The following CDHR2 variants were observed in gnomAD, a reference collection of about 807,000 sequenced individuals.
CDHR2 encodes cadherin-related family member 2.
A neutral mutation model predicts 138.6 loss-of-function variants in CDHR2; 104 were observed. The ratio of observed to expected loss-of-function variants is 0.75; its 90% CI spans 0.64 to 0.88. CDHR2 has a LOEUF of 0.88. Ranked by LOEUF, CDHR2 falls within the 40% of genes least tolerant of loss-of-function variation. CDHR2 has a pLI of 0.00. For synonymous variants in CDHR2, 755 were observed against 742.8 expected (o/e 1.02, Z -0.27); for missense variants, 1,624 against 1,727.6 (o/e 0.94, Z 1.06).
At position 176,577,506 on chromosome 5, in the gene CDHR2, A is replaced by G. The variant is rs750266165; in HGVS notation, c.1302A>G (p.Arg434=). Reference sequence around the variant, plus strand: ...CAGCCTCCGTTCAGGTGCTGGTGAGAGTATCCGCGCTGGTGGACTACGAGA... The same window carrying G: ...CAGCCTCCGTTCAGGTGCTGGTGAGGGTATCCGCGCTGGTGGACTACGAGA... ...VGSASVQVLV[R]VSALVDYERQ... Residue 434 remains arginine (R), a synonymous_variant, in exon 13 of 32, where the codon AGA becomes AGG. Transcript: ENST00000261944. The G allele has an allele frequency of 2.5e-6, 4 of 1,612,726 alleles. No individual in the cohort carries two copies. Among genetic ancestry groups the G allele is most frequent in the East Asian group, 2.2e-5 (1 of 44,834 alleles).
intron 1 of CDHR2, among the ~76,000 whole-genome samples, chr5:176,550,388 T>C (rs1757677970): frequency 6.6e-6 from 1 of 152,172 alleles, no homozygotes; most frequent in South Asian, 2.1e-4. Context: ...GGCGGGGAGC[T>C]GCGTGCTCAG....
In CDHR2 at chr5:176,585,153, C is replaced by T. The variant is rs75784008; in HGVS notation, c.2734+138C>T. The T allele has an allele frequency of 1.0e-3, 1,119 of 1,091,250 alleles. 6 individuals carry two copies. In the African/African-American group the frequency reaches 0.016, roughly 15 times the overall value. 67.6% of individuals were successfully genotyped at this position (1,091,250 alleles called of 1,614,324 possible). On this transcript the variant is annotated intron_variant, in intron 19 of 31. Coordinates refer to ENST00000261944, the MANE Select transcript of CDHR2 (RefSeq NM_017675.6). ...CCAGCTGCAAATACTGGGAAAGTCC[C>T]AAACCCTCTCCAAGCTTCAGTTTCC...
chr5:176,560,248 T>A (rs1757935003), intron 1 of CDHR2, among the ~76,000 whole-genome samples: 1 of 152,002 alleles, frequency 6.6e-6, no homozygotes, highest in South Asian at 2.1e-4. Context: ...AATACAAAAA[T>A]TAGCCAGGCG....
At chr5:176,572,470 TTCTC>T (rs1381200387) in intron 6 of CDHR2, among the ~76,000 whole-genome samples, 1 of 152,176 alleles carries the variant, frequency 6.6e-6, no homozygotes, top group Non-Finnish European at 1.5e-5. Flanking sequence ...GACCGTCTCT[TTCTC>T]AATCTTTCCA....
In CDHR2 at chr5:176,565,654, CA is replaced by C. The variant is rs771857428; in HGVS notation, c.53-17del. 25 of 1,608,450 alleles carry C rather than the reference CA, an allele frequency of 1.6e-5. No homozygotes were observed. The highest frequency in any genetic ancestry group is 1.6e-4 in the Middle Eastern group (1 of 6,074). Reference sequence around the variant, plus strand: ...TTGCAGGGGTGTCCCGATGTTCCAGCACACTGTGTCCCTACAGTGGCAGCCA... The same window carrying C: ...TTGCAGGGGTGTCCCGATGTTCCAGCCACTGTGTCCCTACAGTGGCAGCCA... On this transcript the variant is annotated splice_polypyrimidine_tract_variant and intron_variant, in intron 2 of 31. Coordinates refer to ENST00000261944, the MANE Select transcript of CDHR2 (RefSeq NM_017675.6).
Position 176,586,291 on chromosome 5 carries a change from G to A in CDHR2, c.2806+266G>A, listed in dbSNP as rs1249764254. The stretch of plus-strand genomic sequence containing the variant: ...GCTCACTGCAACCTCCGCCTCCCAG[G>A]TTCAAGCAATTCTCATGCCTTAGCC... On this transcript the variant is annotated intron_variant, in intron 20 of 31. Coordinates refer to ENST00000261944, the MANE Select transcript of CDHR2 (RefSeq NM_017675.6). Among the ~76,000 whole-genome samples, 123 of 152,334 alleles carry A rather than the reference G, an allele frequency of 8.1e-4. 1 individual carries two copies. Among genetic ancestry groups the A allele is most frequent in the East Asian group, 1.9e-4 (1 of 5,186 alleles).
In CDHR2 at chr5:176,543,999, C is replaced by T. The variant is rs367976774; in HGVS notation, c.-16+1230C>T. Among the ~76,000 whole-genome samples the T allele has an allele frequency of 5.3e-5, 8 of 152,378 alleles. No homozygotes were observed. Among genetic ancestry groups the T allele is most frequent in the African/African-American group, 1.9e-4 (8 of 41,590 alleles). ...GGCGCCGGAGGGTAGCCCCACCGTC[C>T]CCGCCTCCTGGGCGCATTAGGCCAG... On this transcript the variant is annotated intron_variant, in intron 1 of 31. Coordinates refer to the CDHR2 transcript ENST00000510636. The surrounding 1 kb of genome is among the most constrained non-coding windows in gnomAD (Gnocchi z 4.0).
At chr5:176,573,767 C>A (rs1240087739) in intron 6 of CDHR2, among the ~76,000 whole-genome samples, 2 of 152,150 alleles carry the variant, frequency 1.3e-5, no homozygotes, top group Non-Finnish European at 2.9e-5. Context: ...CTGTAGAGAG[C>A]ACATGGGATG....
At chr5:176,586,897 C>T (rs906891320) in intron 21 of CDHR2, 55 bp downstream of exon 21, 13 of 1,484,614 alleles carry the variant, frequency 8.8e-6, no homozygotes, top group Admixed American at 1.8e-5. Flanking sequence ...GGACACAGGG[C>T]TGAGGCCTTC....
chr5:176,566,916 T>C (rs1285797735), intron 3 of CDHR2: 2 of 456,070 alleles, frequency 4.4e-6, no homozygotes, highest in African/African-American at 2.0e-5. Context: ...CAAGTGGATA[T>C]TGGGGGACAA....
intron 1 of CDHR2, among the ~76,000 whole-genome samples, chr5:176,551,858 C>T (rs560077050): frequency 9.6e-5 from 12 of 125,180 alleles, no homozygotes; most frequent in African/African-American, 2.3e-4. Context: ...CCCGCCACCA[C>T]GCCTGGCTAA....
At chr5:176,551,857 A>G (rs1426704209) in intron 1 of CDHR2, among the ~76,000 whole-genome samples, 2 of 124,106 alleles carry the variant, frequency 1.6e-5, no homozygotes, top group Admixed American at 9.1e-5. Context: ...GCCCGCCACC[A>G]CGCCTGGCTA....
intron 17 of CDHR2, among the ~76,000 whole-genome samples, chr5:176,582,315 T>C (rs1480092674): frequency 6.6e-6 from 1 of 152,158 alleles, no homozygotes; most frequent in African/African-American, 2.4e-5. Flanking sequence ...CCACCATGCC[T>C]GGCTAATTTG....
At chr5:176,571,727 G>A (rs188561864) in intron 6 of CDHR2, among the ~76,000 whole-genome samples, 5 of 151,934 alleles carry the variant, frequency 3.3e-5, no homozygotes, top group Non-Finnish European at 5.9e-5. Flanking sequence ...TAGTAGAGAC[G>A]GGGTTTCACC....
rs1758377699 is a variant in CDHR2 at position 176,576,191 on chromosome 5, C to CGGG, written c.1194+7_1194+8insGGG. The stretch of plus-strand genomic sequence containing the variant: ...TGGTCTACGACCCGGACAAGGCAGG[C>CGGG]GTGGTGGCGTGGGTGTGGGCGGGGG... On this transcript the variant is annotated splice_region_variant and intron_variant, in intron 12 of 31. Transcript: ENST00000261944. The surrounding 1 kb of genome is among the most constrained non-coding windows in gnomAD (Gnocchi z 4.5). The CGGG allele has an allele frequency of 1.5e-6, 2 of 1,305,714 alleles. No individual in the cohort carries two copies. Among genetic ancestry groups the CGGG allele is most frequent in the South Asian group, 2.3e-5 (2 of 85,824 alleles). The allele number at this position is 1,305,714 out of a possible 1,614,324, so 80.9% of individuals were successfully genotyped here. A position where few individuals can be genotyped will look rare whatever the true frequency, so the allele number is the denominator to read the frequency against.
At chr5:176,556,999 T>C (rs1464851590) in intron 1 of CDHR2, among the ~76,000 whole-genome samples, 4 of 14,526 alleles carry the variant, frequency 2.8e-4, no homozygotes, top group Admixed American at 1.5e-3. Context: ...TCCTTCCTTC[T>C]TTCTCTCTCT....
At position 176,575,445 on chromosome 5, in the gene CDHR2, G is replaced by A; in HGVS notation, c.768+19G>A. 6.2e-7 allele frequency: 1 copy of A among 1,614,232 alleles called. No homozygotes were observed. Among genetic ancestry groups the A allele is most frequent in the Non-Finnish European group, 8.5e-7 (1 of 1,180,034 alleles). ...AGCCAAGGTGCACGGGGGACCTGTG[G>A]GGTGTGGGTGGAGGCGGGAGGCGGG... On this transcript the variant is annotated intron_variant, in intron 9 of 31. Coordinates refer to ENST00000261944, the MANE Select transcript of CDHR2 (RefSeq NM_017675.6).
At chr5:176,571,726 C>T (rs1758237699) in intron 6 of CDHR2, among the ~76,000 whole-genome samples, 1 of 151,968 alleles carries the variant, frequency 6.6e-6, no homozygotes, top group African/African-American at 2.4e-5. Flanking sequence ...TTAGTAGAGA[C>T]GGGGTTTCAC....
Position 176,584,775 on chromosome 5 carries a change from GT to G in CDHR2, c.2496del (p.Ala833ProfsTer15), listed in dbSNP as rs1758618024. The G allele has an allele frequency of 6.2e-7, 1 of 1,614,084 alleles. No individual in the cohort carries two copies. Among genetic ancestry groups the G allele is most frequent in the African/African-American group, 1.3e-5 (1 of 74,946 alleles). On this transcript the variant is annotated frameshift_variant, in exon 19 of 32. Coordinates refer to ENST00000261944, the MANE Select transcript of CDHR2 (RefSeq NM_017675.6). LOFTEE classifies it high-confidence loss of function. ...ACAGCACGGCCAGGTGGCTGTGGTG[GT>G]TGCCTCGGATGTGGACACCAGTGCC... ...GSQHGQVAVVVASDVDTSAQL... is the reference protein window; with the variant it reads ...GSQHGQVAVVXASDVDTSAQL...
Sources: gnomAD v4.1 joint callset for allele counts (sites outside exome capture counted in the v4.1 genomes callset) on GRCh38, gnomAD v4.1.1 for gene constraint, Gnocchi (gnomAD v3.1) non-coding constraint, MANE v1.5 for transcripts, NCBI Gene and HGNC (gene_info 2026-07-23, HGNC 2026-07-21) for gene names.